Variants in AP3B1 observed in about 807,000 individuals in gnomAD.
AP3B1 encodes the protein adaptor related protein complex 3 subunit beta 1.
AP3B1 carries 61 observed loss-of-function variants against 132.5 expected under a neutral mutation model. That is an observed-to-expected ratio of 0.46 (90% CI 0.37 to 0.57). The LOEUF (loss-of-function observed/expected upper bound fraction) is 0.57, where lower values mean the gene tolerates loss of function less well. Ranked by LOEUF, AP3B1 falls within the 20% of genes least tolerant of loss-of-function variation. AP3B1 has a pLI of 0.00. For missense variants in AP3B1, 1,120 were observed against 1,289.4 expected (o/e 0.87, Z 2.01); for synonymous variants, 388 against 438.3 (o/e 0.89, Z 1.43).
chr5:78,116,931 C>T (rs1021364672), intron 17 of AP3B1, among the ~76,000 whole-genome samples: 3 of 152,124 alleles, frequency 2.0e-5, no homozygotes, highest in South Asian at 2.1e-4. Flanking sequence ...AGTGGCTCCC[C>T]ATTTTACTCA....
chr5:78,281,573 T>A (rs1354152629), intron 1 of AP3B1, among the ~76,000 whole-genome samples: 1 of 152,122 alleles, frequency 6.6e-6, no homozygotes, highest in African/African-American at 2.4e-5. Context: ...TTGACCAAAC[T>A]ATATTGAAAC....
intron 17 of AP3B1, among the ~76,000 whole-genome samples, chr5:78,122,059 T>C (rs1752232578): frequency 1.3e-5 from 2 of 152,152 alleles, no homozygotes; most frequent in African/African-American, 4.8e-5. Context: ...AATCAATAAA[T>C]GTAATCCAGC....
intron 20 of AP3B1, among the ~76,000 whole-genome samples, chr5:78,108,121 C>T (rs1015063521): frequency 3.3e-5 from 5 of 152,008 alleles, no homozygotes; most frequent in Admixed American, 6.5e-5. Flanking sequence ...TTTTCATGCT[C>T]AGTGCCCTCA....
chr5:78,134,407 A>C (rs912869568), intron 15 of AP3B1, among the ~76,000 whole-genome samples: 1 of 152,184 alleles, frequency 6.6e-6, no homozygotes, highest in Non-Finnish European at 1.5e-5. Flanking sequence ...TATTGGTTCT[A>C]CATTGCTGTT....
chr5:78,150,967 G>A (rs1753623751), intron 14 of AP3B1, among the ~76,000 whole-genome samples: 1 of 151,868 alleles, frequency 6.6e-6, no homozygotes. Flanking sequence ...CACCCAGACT[G>A]GAGTGCAGTG....
rs143897700 is a variant in AP3B1, at chr5:78,263,040, A to C, written c.204+4480T>G. On this transcript the variant is annotated intron_variant, in intron 2 of 26. Transcript: ENST00000255194. ...GGGATTCTATATAAATTTTAGGATG[A>C]ATTTTTTTCTATTTTTGCCATGCAC... Among the ~76,000 whole-genome samples the C allele has an allele frequency of 4.5e-4, 69 of 152,038 alleles. 1 individual carries two copies. The East Asian group carries it at 0.01, about 23-fold the overall frequency.
chr5:78,007,647 C>A (rs1746451905), intron 26 of AP3B1, among the ~76,000 whole-genome samples: 1 of 152,082 alleles, frequency 6.6e-6, no homozygotes, highest in South Asian at 2.1e-4. Flanking sequence ...AACATCAATA[C>A]CAAAGTATAG....
At chr5:78,208,963 G>A (rs1745622561) in intron 7 of AP3B1, among the ~76,000 whole-genome samples, 1 of 151,830 alleles carries the variant, frequency 6.6e-6, no homozygotes, top group Non-Finnish European at 1.5e-5. Context: ...AAAGAGGTAA[G>A]CAGAAGCATA....
intron 14 of AP3B1, among the ~76,000 whole-genome samples, chr5:78,148,222 G>T (rs559721509): frequency 6.6e-6 from 1 of 152,192 alleles, no homozygotes; most frequent in Non-Finnish European, 1.5e-5. Context: ...CTCTCCTGAA[G>T]CCCTAGTACT....
chr5:78,069,728 C>A (rs749281164), intron 22 of AP3B1, among the ~76,000 whole-genome samples: 3 of 152,116 alleles, frequency 2.0e-5, no homozygotes, highest in Non-Finnish European at 4.4e-5. Context: ...CATTGACATT[C>A]TTCACAAAAT....
At chr5:78,015,120 C>A (rs775086042) in intron 26 of AP3B1, among the ~76,000 whole-genome samples, 58 of 152,098 alleles carry the variant, frequency 3.8e-4, no homozygotes, top group Non-Finnish European at 4.0e-4. Context: ...AAACTCTCAA[C>A]CACCTCAAAA....
chr5:78,195,701 T>A (rs1561470756), intron 7 of AP3B1, among the ~76,000 whole-genome samples: 1 of 152,066 alleles, frequency 6.6e-6, no homozygotes, highest in Non-Finnish European at 1.5e-5. Flanking sequence ...ACACCTGTTA[T>A]CCCAGCTACT....
chr5:78,243,273 C>CCATT (rs148044734), intron 2 of AP3B1, among the ~76,000 whole-genome samples: 8,997 of 151,786 alleles, frequency 0.059, 367 homozygotes, highest in East Asian at 0.12. Flanking sequence ...AGGACCCCTG[C>CCATT]CATTCATTCA....
chr5:78,107,871 A>T (rs551596535), intron 20 of AP3B1, among the ~76,000 whole-genome samples: 7 of 152,382 alleles, frequency 4.6e-5, no homozygotes, highest in South Asian at 2.1e-4. Context: ...TGGAATTTTT[A>T]AAAATGTTAA....
rs144478922 is a variant in AP3B1, at chr5:78,160,888, A to G, written c.1363+1931T>C. 1.5e-3 allele frequency among the ~76,000 whole-genome samples: 229 copies of G among 152,100 alleles called. 6 individuals are homozygous for G. The East Asian group carries it at 0.019, about 13-fold the overall frequency. On this transcript the variant is annotated intron_variant, in intron 13 of 26. Transcript: ENST00000255194. ...GAGCCAGACTTCCAAACTACAAAAAATAGTGTAGCATATGTGATACAGACA... is the reference window on the plus strand; with the variant it reads ...GAGCCAGACTTCCAAACTACAAAAAGTAGTGTAGCATATGTGATACAGACA...
intron 25 of AP3B1, among the ~76,000 whole-genome samples, chr5:78,018,782 G>C (rs1274755484): frequency 6.6e-6 from 1 of 151,798 alleles, no homozygotes; most frequent in African/African-American, 2.4e-5. Flanking sequence ...TCTGATTTAG[G>C]CTTTTCCGTT....
At chr5:78,146,190 T>C (rs73134768) in intron 14 of AP3B1, among the ~76,000 whole-genome samples, 3,860 of 152,302 alleles carry the variant, frequency 0.025, 188 homozygotes, top group African/African-American at 0.088. Flanking sequence ...TGTTCTTGTA[T>C]AAACAGCTCT....
At chr5:78,173,267 T>C (rs1359662916) in intron 11 of AP3B1, among the ~76,000 whole-genome samples, 1 of 152,202 alleles carries the variant, frequency 6.6e-6, no homozygotes, top group Non-Finnish European at 1.5e-5. Flanking sequence ...TAGATGTCTA[T>C]TAGGTCTGCT....
rs780471748 is a variant in AP3B1, at chr5:78,240,844, T to C, written c.279+18A>G. The C allele has an allele frequency of 7.7e-6, 12 of 1,563,864 alleles. No homozygotes were observed. The East Asian group carries it at 1.8e-4, about 23-fold the overall frequency. On this transcript the variant is annotated intron_variant, in intron 3 of 26. Transcript: ENST00000255194. ...TGAAAACAAAAGGAATCATAAAAAT[T>C]ATAGATCAAAACAGTACCTCAATAT...
Sources: gnomAD v4.1 joint callset for allele counts (sites outside exome capture counted in the v4.1 genomes callset) on GRCh38, gnomAD v4.1.1 for gene constraint, MANE v1.5 for transcripts, NCBI Gene and HGNC (gene_info 2026-07-23, HGNC 2026-07-21) for gene names.